Variants in TP63 observed in about 807,000 individuals in gnomAD.
TP63 encodes tumor protein 63.
A neutral mutation model predicts 82.8 loss-of-function variants in TP63; 17 were observed. That is an observed-to-expected ratio of 0.21 (90% CI 0.14 to 0.31). The LOEUF is 0.31. Ranked by LOEUF, TP63 falls within the 10% of genes least tolerant of loss-of-function variation. TP63 has a pLI of 1.00. For synonymous variants in TP63, 330 were observed against 321.7 expected, an observed-to-expected ratio of 1.03 and a Z score of -0.28; for missense variants, 648 against 895.3, an observed-to-expected ratio of 0.72 and a Z score of 3.52.
intron 3 of TP63, among the ~76,000 whole-genome samples, chr3:189,801,243 G>A (rs1450032933): frequency 1.3e-5 from 2 of 151,976 alleles, no homozygotes; most frequent in Non-Finnish European, 2.9e-5. Flanking sequence ...TACCATATCT[G>A]CTATATAGAG....
At chr3:189,766,590 G>C (rs896289564) in intron 3 of TP63, among the ~76,000 whole-genome samples, 1 of 152,064 alleles carries the variant, frequency 6.6e-6, no homozygotes, top group African/African-American at 2.4e-5. Context: ...AGCCCTGCAG[G>C]CAGTGTTCTT....
At chr3:189,627,077 G>A (rs1421161260), upstream of TP63, among the ~76,000 whole-genome samples, 2 of 152,034 alleles carry the variant, frequency 1.3e-5, no homozygotes, top group Admixed American at 6.6e-5. Context: ...TTGAGGTCTG[G>A]GAGTAAGTTA....
chr3:189,868,028 T>C, intron 7 of TP63, 86 bp downstream of exon 7: 1 of 1,103,144 alleles, frequency 9.1e-7, no homozygotes, highest in East Asian at 2.5e-5. Flanking sequence ...TATCATTAAT[T>C]TTGCATGTGC....
At chr3:189,807,341 G>A (rs920007248) in intron 3 of TP63, among the ~76,000 whole-genome samples, 2 of 152,208 alleles carry the variant, frequency 1.3e-5, no homozygotes, top group African/African-American at 2.4e-5. Flanking sequence ...CTACCTCTCC[G>A]ATAGTAATAT....
intron 1 of TP63, among the ~76,000 whole-genome samples, chr3:189,678,391 G>T (rs1715628023): frequency 6.6e-6 from 1 of 151,932 alleles, no homozygotes; most frequent in Non-Finnish European, 1.5e-5. Context: ...TAAGTTGGTT[G>T]TAGATATGTG....
chr3:189,813,199 A>G (rs1048795001), intron 4 of TP63, among the ~76,000 whole-genome samples: 7 of 152,198 alleles, frequency 4.6e-5, no homozygotes, highest in Admixed American at 6.5e-5. Flanking sequence ...GGCCTTACTT[A>G]TGGCAGACTC....
At chr3:189,771,336 T>C (rs991295545) in intron 3 of TP63, among the ~76,000 whole-genome samples, 20 of 137,856 alleles carry the variant, frequency 1.5e-4, no homozygotes, top group Non-Finnish European at 1.4e-4. Context: ...ATATATAATA[T>C]ATATTTATAT....
intron 1 of TP63, among the ~76,000 whole-genome samples, chr3:189,673,912 A>C (rs1715158018): frequency 6.6e-6 from 1 of 152,156 alleles, no homozygotes; most frequent in East Asian, 1.9e-4. Context: ...GCAAATTGAA[A>C]TAGTTTTATT....
chr3:189,632,130 A>T (rs1188152294), intron 1 of TP63, among the ~76,000 whole-genome samples: 2 of 151,480 alleles, frequency 1.3e-5, no homozygotes, highest in African/African-American at 4.8e-5. Context: ...TTTGCCTAGT[A>T]CTAAGAGAGA....
chr3:189,610,755 GT>G, the TP63 span, among the ~76,000 whole-genome samples: 1 of 152,082 alleles, frequency 6.6e-6, no homozygotes, highest in African/African-American at 2.4e-5. Flanking sequence ...CCAATTTACT[GT>G]TTTAATCCAT....
chr3:189,662,192 T>A lies in TP63; in HGVS notation c.62+30615T>A, dbSNP rs1050235449. 7.9e-5 allele frequency among the ~76,000 whole-genome samples: 12 copies of A among 152,104 alleles called. No homozygotes were observed. In the East Asian group the frequency reaches 1.2e-3, roughly 15 times the overall value. On this transcript the variant is annotated intron_variant, in intron 1 of 13. Transcript: ENST00000264731. ...TTGAGGTCTTTCTAACTTTTCGAGG[T>A]AAGTGTTTAGCACTATAAACATTCA...
chr3:189,865,897 T>C (rs1312922591), intron 5 of TP63, among the ~76,000 whole-genome samples: 1 of 152,224 alleles, frequency 6.6e-6, no homozygotes, highest in East Asian at 1.9e-4. Context: ...AAATTGTTTT[T>C]AGTTTTAACC....
chr3:189,785,835 C>A (rs1016904727), intron 3 of TP63, among the ~76,000 whole-genome samples: 1 of 152,028 alleles, frequency 6.6e-6, no homozygotes, highest in Non-Finnish European at 1.5e-5. Flanking sequence ...AGTGAGGGAG[C>A]TCTAGCAGGG....
At chr3:189,632,759 G>T (rs1440028061) in intron 1 of TP63, among the ~76,000 whole-genome samples, 1 of 152,012 alleles carries the variant, frequency 6.6e-6, no homozygotes, top group East Asian at 1.9e-4. Flanking sequence ...CAAATAAATG[G>T]CTCTAGGATT....
chr3:189,639,826 T>G (rs1318645727), intron 1 of TP63, among the ~76,000 whole-genome samples: 1 of 152,158 alleles, frequency 6.6e-6, no homozygotes, highest in African/African-American at 2.4e-5. Flanking sequence ...GAATAAATAA[T>G]AGAACATATA....
At chr3:189,642,320 G>A (rs948130341) in intron 1 of TP63, among the ~76,000 whole-genome samples, 5 of 152,072 alleles carry the variant, frequency 3.3e-5, no homozygotes, top group African/African-American at 4.8e-5. Context: ...TATGAACAGC[G>A]AAATATGTAG....
chr3:189,671,194 C>A (rs1714860113), intron 1 of TP63, among the ~76,000 whole-genome samples: 1 of 151,592 alleles, frequency 6.6e-6, no homozygotes, highest in Non-Finnish European at 1.5e-5. Context: ...CAAAACAAAC[C>A]CCAAAAATAT....
At position 189,889,224 on chromosome 3, in the gene TP63, A is replaced by G. The variant is rs954669873; in HGVS notation, c.1508-116A>G. 6 of 1,477,516 alleles carry G rather than the reference A, an allele frequency of 4.1e-6. No individual in the cohort carries two copies. The Admixed American group carries it at 5.0e-5, about 12-fold the overall frequency. 91.5% of individuals were successfully genotyped at this position (1,477,516 alleles called of 1,614,324 possible). ...GGGGTGTAGTGAGAGCGAAGATTAA[A>G]AAGGAAGGCTGGTAGTTTAGGCCCT... On this transcript the variant is annotated intron_variant, in intron 11 of 13. Transcript: ENST00000264731.
chr3:189,732,266 C>T (rs1024633857), intron 1 of TP63, among the ~76,000 whole-genome samples: 4 of 152,152 alleles, frequency 2.6e-5, no homozygotes, highest in Non-Finnish European at 4.4e-5. Context: ...CTCCCCTCCA[C>T]CACCCCTGTC....
Sources: gnomAD v4.1 joint callset for allele counts (sites outside exome capture counted in the v4.1 genomes callset) on GRCh38, gnomAD v4.1.1 for gene constraint, MANE v1.5 for transcripts, NCBI Gene and HGNC (gene_info 2026-07-23, HGNC 2026-07-21) for gene names.